Variants in TBXAS1 observed in about 807,000 individuals in gnomAD.
The protein encoded by TBXAS1 is thromboxane-A synthase.
In TBXAS1, 48 loss-of-function variants were observed where a neutral mutation model predicts 60.7. The ratio of observed to expected loss-of-function variants is 0.79; its 90% confidence interval spans 0.63 to 1.01. The LOEUF (loss-of-function observed/expected upper bound fraction) is 1.01, where lower values mean the gene tolerates loss of function less well. Ranked by LOEUF, TBXAS1 falls within the 50% of genes least tolerant of loss-of-function variation. The probability of loss-of-function intolerance (pLI) is 0.00; values close to 1 mark genes in which losing one functional copy is unlikely to be tolerated. For missense variants in TBXAS1, 685 were observed against 686.3 expected (o/e 1.00, Z 0.02); for synonymous variants, 287 against 269.7 (o/e 1.06, Z -0.63).
intron 1 of TBXAS1, among the ~76,000 whole-genome samples, chr7:139,851,223 C>G (rs1223628175): frequency 6.6e-6 from 1 of 152,220 alleles, no homozygotes; most frequent in Non-Finnish European, 1.5e-5. Flanking sequence ...AAGCCAGAGG[C>G]CTGGCTGGAG....
chr7:139,950,682 C>A (rs149014463), intron 5 of TBXAS1, among the ~76,000 whole-genome samples: 2 of 123,924 alleles, frequency 1.6e-5, no homozygotes, highest in Non-Finnish European at 3.6e-5. Flanking sequence ...TCTACGGGAC[C>A]CCCTCGCCCT....
intron 4 of TBXAS1, among the ~76,000 whole-genome samples, chr7:139,920,187 A>G (rs1806341362): frequency 6.6e-6 from 1 of 152,224 alleles, no homozygotes; most frequent in South Asian, 2.1e-4. Context: ...TAAATGCCCA[A>G]GGCATGGCTA....
rs1158397404 is a variant in TBXAS1 at position 139,809,365 on chromosome 7, TAGAC to T, written c.-79-19939_-79-19936del. On this transcript the variant is annotated intron_variant, in intron 4 of 16. Transcript: ENST00000336425. Reference sequence around the variant, plus strand: ...ATAGATAGATAGATAGATAGATAGATAGACAGACAGAACCAACAGGAGATAGATA... The same window carrying T: ...ATAGATAGATAGATAGATAGATAGATAGACAGAACCAACAGGAGATAGATA... 4.2e-3 allele frequency among the ~76,000 whole-genome samples: 573 copies of T among 137,024 alleles called. 1 individual carries two copies. Among genetic ancestry groups the T allele is most frequent in the African/African-American group, 0.014 (495 of 36,500 alleles). The allele number at this position is 137,024 out of a possible 152,430, so 89.9% of individuals were successfully genotyped here.
intron 3 of TBXAS1, among the ~76,000 whole-genome samples, chr7:139,898,683 G>T (rs988392413): frequency 6.6e-6 from 1 of 152,142 alleles, no homozygotes; most frequent in Non-Finnish European, 1.5e-5. Context: ...CTGATGCCCC[G>T]TTGGGGCACT....
intron 4 of TBXAS1, among the ~76,000 whole-genome samples, chr7:139,926,752 A>G (rs1477209144): frequency 3.3e-5 from 5 of 151,456 alleles, no homozygotes; most frequent in Admixed American, 1.3e-4. Context: ...TTTTTGCTGT[A>G]GGCACTTATA....
At position 139,931,475 on chromosome 7, in the gene TBXAS1, A is replaced by G. The variant is rs540742062; in HGVS notation, c.334-4716A>G. Among the ~76,000 whole-genome samples the G allele has an allele frequency of 2.0e-5, 3 of 152,336 alleles. No individual in the cohort carries two copies. In the East Asian group the frequency reaches 5.8e-4, roughly 29 times the overall value. On this transcript the variant is annotated intron_variant, in intron 4 of 12. Coordinates refer to ENST00000448866, the MANE Select transcript of TBXAS1 (RefSeq NM_001061.7). ...CCATTTTCACACTGCTGATAAAGACATACCTGAGACTGGCAATTTACAAAA... is the reference window on the plus strand; with the variant it reads ...CCATTTTCACACTGCTGATAAAGACGTACCTGAGACTGGCAATTTACAAAA...
intron 2 of TBXAS1, among the ~76,000 whole-genome samples, chr7:139,873,057 G>A (rs765998188): frequency 3.9e-5 from 6 of 152,202 alleles, no homozygotes; most frequent in Non-Finnish European, 7.3e-5. Context: ...TGTCAGAGGA[G>A]AGGGTGATCT....
rs1569492548 is a variant in TBXAS1, at chr7:139,805,732, T to TCTCTCTCTCTC, written c.-80+18306_-80+18307insCTCTCTCTCTC. On this transcript the variant is annotated intron_variant, in intron 4 of 16. Transcript: ENST00000336425. ...TTTCTTTCTCTCTCTCTCTCTCTCT[T>TCTCTCTCTCTC]TCTTTCTTTCTTTCTTTCTTTCTTG... 1.8e-3 allele frequency among the ~76,000 whole-genome samples: 131 copies of TCTCTCTCTCTC among 74,524 alleles called. 4 individuals carry two copies. The highest frequency in any genetic ancestry group is 0.013 in the Middle Eastern group (2 of 158). 48.9% of individuals were successfully genotyped at this position (74,524 alleles called of 152,430 possible).
chr7:139,999,449 G>A lies in TBXAS1; in HGVS notation c.1135-7642G>A, dbSNP rs1426869210. Among the ~76,000 whole-genome samples, 8 of 152,168 alleles carry A rather than the reference G, an allele frequency of 5.3e-5. No homozygotes were observed. The highest frequency in any genetic ancestry group is 1.7e-4 in the African/African-American group (7 of 41,432). ...TGACGCATGAGACTCGCTTGAACCC[G>A]GGAGGTGGAGGTTGCAGTGAGCCGA... On this transcript the variant is annotated intron_variant, in intron 9 of 12. Coordinates refer to ENST00000448866, the MANE Select transcript of TBXAS1 (RefSeq NM_001061.7). The surrounding 1 kb of genome is among the most constrained non-coding windows in gnomAD (Gnocchi z 4.3).
chr7:139,908,880 T>C (rs1307180688), intron 3 of TBXAS1, among the ~76,000 whole-genome samples: 1 of 152,192 alleles, frequency 6.6e-6, no homozygotes, highest in Non-Finnish European at 1.5e-5. Context: ...AATCTCTTAG[T>C]TTTCCTTCAT....
intron 5 of TBXAS1, among the ~76,000 whole-genome samples, chr7:139,936,879 G>T (rs1807837530): frequency 6.6e-6 from 1 of 152,186 alleles, no homozygotes; most frequent in Non-Finnish European, 1.5e-5. Context: ...GATCATGTCA[G>T]GCAGGGACAC....
Position 140,017,931 on chromosome 7 carries a change from G to T in TBXAS1, c.1527+98G>T. ...CAGGCCAGCCTGGGGGCAACATCAGGCTCTGCCTCCGTGAGCTTGGGCAAG... is the reference window on the plus strand; with the variant it reads ...CAGGCCAGCCTGGGGGCAACATCAGTCTCTGCCTCCGTGAGCTTGGGCAAG... On this transcript the variant is annotated intron_variant, in intron 12 of 12. Transcript: ENST00000448866. 3.2e-6 allele frequency: 5 copies of T among 1,558,092 alleles called. No individual in the cohort carries two copies. In the Admixed American group the frequency reaches 8.6e-5, roughly 27 times the overall value.
chr7:139,946,077 A>G (rs1808687403), intron 5 of TBXAS1, among the ~76,000 whole-genome samples: 1 of 152,194 alleles, frequency 6.6e-6, no homozygotes, highest in Non-Finnish European at 1.5e-5. Context: ...TCATGCCTGT[A>G]ATCCCAGAAC....
chr7:139,812,555 C>T (rs1303778886), intron 4 of TBXAS1, among the ~76,000 whole-genome samples: 2 of 152,052 alleles, frequency 1.3e-5, no homozygotes, highest in Admixed American at 6.6e-5. Flanking sequence ...GTGGATTATG[C>T]CTAATTAAAG....
chr7:139,828,171 A>G (rs1798498957), upstream of TBXAS1, among the ~76,000 whole-genome samples: 1 of 152,050 alleles, frequency 6.6e-6, no homozygotes, highest in Admixed American at 6.5e-5. Context: ...GGCTTTGTTC[A>G]TATTTTCTTA....
At chr7:139,853,842 T>C (rs41706) in intron 1 of TBXAS1, among the ~76,000 whole-genome samples, 112,246 of 152,066 alleles carry the variant, frequency 0.74, 41,853 homozygotes, top group African/African-American at 0.84. Flanking sequence ...TTCCTACAAA[T>C]AATACATTGT....
At chr7:140,014,905 T>A (rs1299047115) in intron 10 of TBXAS1, among the ~76,000 whole-genome samples, 1 of 73,280 alleles carries the variant, frequency 1.4e-5, no homozygotes, top group Non-Finnish European at 2.5e-5. Context: ...CAAGACCCTG[T>A]CTCAAAAAAA....
At chr7:139,955,237 T>C (rs539522490) in intron 6 of TBXAS1, among the ~76,000 whole-genome samples, 30 of 152,230 alleles carry the variant, frequency 2.0e-4, no homozygotes, top group African/African-American at 7.0e-4. Context: ...CGCCAGGTCT[T>C]CGTGTCTCCT....
intron 4 of TBXAS1, 49 bp downstream of exon 4, chr7:139,911,370 A>G (rs1247580176): frequency 3.3e-6 from 5 of 1,493,278 alleles, no homozygotes; most frequent in Non-Finnish European, 4.7e-6. Flanking sequence ...TTGTTCTCAG[A>G]TGGAGACACT....
Sources: allele counts gnomAD v4.1 joint callset (sites outside exome capture counted in the v4.1 genomes callset), GRCh38; gene constraint gnomAD v4.1.1; non-coding constraint Gnocchi (gnomAD v3.1); transcripts MANE v1.5; gene names NCBI Gene and HGNC (gene_info 2026-07-23, HGNC 2026-07-21).